Variants in C19orf47 observed in about 807,000 individuals in gnomAD.
C19orf47 encodes uncharacterized protein C19orf47.
In C19orf47, 18 loss-of-function variants were observed where a neutral mutation model predicts 32.3. That is an observed-to-expected ratio of 0.56 (90% confidence interval 0.39 to 0.83). The LOEUF is 0.83. Among genes scored for constraint, C19orf47 ranks in the 40% least tolerant of loss-of-function variants. The pLI, the probability that C19orf47 is intolerant of heterozygous loss-of-function variation, is 0.00. For missense variants in C19orf47, 484 were observed against 531.6 expected (o/e 0.91, Z 0.88); for synonymous variants, 202 against 211.1 (o/e 0.96, Z 0.37).
At chr19:40,310,722 G>A in the C19orf47 span, among the ~76,000 whole-genome samples, 2 of 152,138 alleles carry the variant, frequency 1.3e-5, no homozygotes, top group African/African-American at 2.4e-5. Context: ...AAAACTATTA[G>A]ATATGTAACC....
At position 40,321,736 on chromosome 19, in the gene C19orf47, C is replaced by T; in HGVS notation, c.*146G>A. The T allele has an allele frequency of 7.0e-7, 1 of 1,431,018 alleles. No homozygotes were observed. The highest frequency in any genetic ancestry group is 9.1e-7 in the Non-Finnish European group (1 of 1,097,592). 88.6% of individuals were successfully genotyped at this position (1,431,018 alleles called of 1,614,324 possible). A position where few individuals can be genotyped will look rare whatever the true frequency, so the allele number is the denominator to read the frequency against. On this transcript the variant is annotated 3_prime_UTR_variant, in exon 9 of 9. Transcript: ENST00000683109. The stretch of plus-strand genomic sequence containing the variant: ...AGGCTAGGAGAAATGGGGTGATCCC[C>T]CGAATGCTCGGGCCTAGCTCTAGAG...
chr19:40,340,105 C>A (rs1555788570), intron 2 of C19orf47, among the ~76,000 whole-genome samples: 1 of 149,812 alleles, frequency 6.7e-6, no homozygotes, highest in Non-Finnish European at 1.5e-5. Flanking sequence ...GGGGGGCTGA[C>A]AATATTCTCT....
At chr19:40,334,656 G>A (rs917958471) in intron 4 of C19orf47, among the ~76,000 whole-genome samples, 3 of 152,166 alleles carry the variant, frequency 2.0e-5, no homozygotes, top group African/African-American at 2.4e-5. Context: ...GCTGAGGTAC[G>A]AGAATCTCTT....
At chr19:40,345,612 C>T (rs1002023186) in intron 1 of C19orf47, among the ~76,000 whole-genome samples, 7 of 147,936 alleles carry the variant, frequency 4.7e-5, no homozygotes, top group East Asian at 2.0e-4. Flanking sequence ...GAGGCTGAGG[C>T]GGGTGGATCA....
the C19orf47 span, among the ~76,000 whole-genome samples, chr19:40,301,938 T>C: frequency 6.6e-6 from 1 of 151,534 alleles, no homozygotes; most frequent in Non-Finnish European, 1.5e-5. Flanking sequence ...GGCAGGTGGA[T>C]CACTTGAGGT....
chr19:40,310,381 C>T, the C19orf47 span, among the ~76,000 whole-genome samples: 1 of 152,162 alleles, frequency 6.6e-6, no homozygotes, highest in East Asian at 1.9e-4. Flanking sequence ...CAGGTTCAAG[C>T]GATTCTCGTG....
downstream of C19orf47, among the ~76,000 whole-genome samples, chr19:40,319,180 G>T (rs535277030): frequency 6.6e-6 from 1 of 151,830 alleles, no homozygotes; most frequent in South Asian, 2.1e-4. Flanking sequence ...TGAGGCAGGA[G>T]AATAGCTGGA....
In C19orf47 at chr19:40,337,715, G is replaced by A. The variant is rs572552492; in HGVS notation, c.20-1308C>T. 1.8e-3 allele frequency among the ~76,000 whole-genome samples: 270 copies of A among 152,244 alleles called. 1 individual carries two copies. The highest frequency in any genetic ancestry group is 3.4e-3 in the Middle Eastern group (1 of 294). On this transcript the variant is annotated intron_variant, in intron 2 of 8. Transcript: ENST00000683109. ...CAGGTGTTACACGAGTGGCAGTGCG[G>A]GGCTCAGGTGAAACTCCATGGGCCA...
At position 40,347,652 on chromosome 19, in the gene C19orf47, G is replaced by A. The variant is rs78704276; in HGVS notation, c.-34+672C>T. Among the ~76,000 whole-genome samples the A allele has an allele frequency of 9.9e-3, 1,512 of 152,250 alleles. 12 individuals are homozygous for A. The highest frequency in any genetic ancestry group is 0.034 in the African/African-American group (1,427 of 41,550). On this transcript the variant is annotated intron_variant, in intron 1 of 8. Transcript: ENST00000683109. ...AAAAAAACTAGTACTTCAGGACTCAGCAAAATTGGTCAAATAGTAAGTGAC... is the reference window on the plus strand; with the variant it reads ...AAAAAAACTAGTACTTCAGGACTCAACAAAATTGGTCAAATAGTAAGTGAC...
chr19:40,329,235 CA>C (rs1454679946), intron 5 of C19orf47, among the ~76,000 whole-genome samples: 1 of 152,110 alleles, frequency 6.6e-6, no homozygotes, highest in Non-Finnish European at 1.5e-5. Context: ...AGGACAGGCA[CA>C]AGGGCGCATG....
intron 7 of C19orf47, 73 bp from the exon 8 acceptor site, chr19:40,324,149 A>T (rs1400791415): frequency 2.1e-6 from 3 of 1,452,534 alleles, no homozygotes; most frequent in Non-Finnish European, 2.9e-6. Flanking sequence ...TACAGACACC[A>T]AGGCAGCCCA....
At chr19:40,326,251 T>C (rs1329007045) in intron 7 of C19orf47, 83 bp downstream of exon 7, 2 of 1,557,472 alleles carry the variant, frequency 1.3e-6, no homozygotes, top group East Asian at 2.3e-5. Context: ...TCAGCCACCG[T>C]CTGTAGGATA....
At chr19:40,325,782 A>C (rs2077816768) in intron 7 of C19orf47, among the ~76,000 whole-genome samples, 1 of 152,204 alleles carries the variant, frequency 6.6e-6, no homozygotes, top group South Asian at 2.1e-4. Context: ...GTATCATCTG[A>C]AAGTGCTGGA....
At chr19:40,311,719 AATC>A in the C19orf47 span, among the ~76,000 whole-genome samples, 1 of 152,018 alleles carries the variant, frequency 6.6e-6, no homozygotes, top group South Asian at 2.1e-4. Context: ...GCAGTGGCAC[AATC>A]TCGGCTCACT....
Position 40,336,373 on chromosome 19 carries a change from G to T in C19orf47, c.54C>A (p.Ala18=). The change falls in exon 3 of 9, where the codon GCC becomes GCA. Residue 18 remains alanine (A), a synonymous_variant. Transcript: ENST00000683109. ...TSEWIQFFKE[A]GIPPGPAVNY... is the part of the protein sequence containing the mutation. ...TGACGGCAGGTCCTGGAGGAATGCC[G>T]GCTTCCTTAAAGAACTGGATCCACT... The T allele has an allele frequency of 6.2e-7, 1 of 1,614,070 alleles. No individual in the cohort carries two copies. Among genetic ancestry groups the T allele is most frequent in the South Asian group, 1.1e-5 (1 of 91,070 alleles).
chr19:40,344,336 G>A lies in C19orf47; in HGVS notation c.-33-2446C>T, dbSNP rs903488011. ...TCTACTAAAAATACAAAAATTAGTC[G>A]GGCATGGTGGTGGGCGCCTGTAATC... On this transcript the variant is annotated intron_variant, in intron 1 of 8. Transcript: ENST00000683109. 4.5e-4 allele frequency among the ~76,000 whole-genome samples: 68 copies of A among 151,596 alleles called. 1 individual carries two copies. Among genetic ancestry groups the A allele is most frequent in the Non-Finnish European group, 4.4e-5 (3 of 67,918 alleles).
the C19orf47 span, among the ~76,000 whole-genome samples, chr19:40,294,771 G>C: frequency 6.6e-6 from 1 of 152,178 alleles, no homozygotes. Flanking sequence ...AGTCAAATAG[G>C]CTGGAAGCCC....
chr19:40,305,219 T>A, the C19orf47 span, among the ~76,000 whole-genome samples: 1 of 152,004 alleles, frequency 6.6e-6, no homozygotes, highest in Non-Finnish European at 1.5e-5. Flanking sequence ...GGTGGGCACC[T>A]GTAATCCCAG....
intron 5 of C19orf47, among the ~76,000 whole-genome samples, chr19:40,331,436 G>C (rs1568614358): frequency 6.6e-6 from 1 of 152,212 alleles, no homozygotes; most frequent in Non-Finnish European, 1.5e-5. Context: ...AGCTGGCCTA[G>C]AGCAGAACTG....
Sources: allele counts gnomAD v4.1 joint callset (sites outside exome capture counted in the v4.1 genomes callset), GRCh38; gene constraint gnomAD v4.1.1; transcripts MANE v1.5; gene names NCBI Gene and HGNC (gene_info 2026-07-23, HGNC 2026-07-21).